STIM1: variants seen among roughly 807,000 people sequenced by gnomAD.
STIM1 encodes the protein stromal interaction molecule 1.
STIM1 carries 25 observed loss-of-function variants against 74.7 expected under a neutral mutation model. That is an observed-to-expected ratio of 0.33 (90% CI 0.24 to 0.47). The LOEUF is 0.47. Ranked by LOEUF, STIM1 falls within the 20% of genes least tolerant of loss-of-function variation. STIM1 has a pLI of 1.00. For synonymous variants in STIM1, 328 were observed against 348.8 expected (o/e 0.94, Z 0.66); for missense variants, 728 against 920.8 (o/e 0.79, Z 2.71).
intron 1 of STIM1, among the ~76,000 whole-genome samples, chr11:3,949,180 A>G (rs1387115974): frequency 6.6e-6 from 1 of 152,236 alleles, no homozygotes; most frequent in Non-Finnish European, 1.5e-5. Context: ...GGGGGTCAGT[A>G]TAGAGAAGGC....
chr11:4,010,172 A>ATTT (rs34152151), intron 2 of STIM1, among the ~76,000 whole-genome samples: 7 of 142,184 alleles, frequency 4.9e-5, no homozygotes, highest in Admixed American at 7.0e-5. Flanking sequence ...AAATTTTCTG[A>ATTT]TTTTTTTTTT....
chr11:3,885,720 C>G (rs2091680244), intron 1 of STIM1, among the ~76,000 whole-genome samples: 1 of 152,154 alleles, frequency 6.6e-6, no homozygotes, highest in Non-Finnish European at 1.5e-5. Flanking sequence ...TCACTGTAGC[C>G]TTGACCTCCT....
intron 5 of STIM1, among the ~76,000 whole-genome samples, chr11:4,065,506 C>T (rs1414678576): frequency 6.6e-6 from 1 of 151,292 alleles, no homozygotes; most frequent in Non-Finnish European, 1.5e-5. Flanking sequence ...TGTCTCTCTG[C>T]CTTTTATCCT....
rs78981968 is a variant in STIM1 at position 3,876,332 on chromosome 11, A to G, written c.139+19923A>G. On this transcript the variant is annotated intron_variant, in intron 1 of 12. Coordinates refer to ENST00000526596, the MANE Select transcript of STIM1 (RefSeq NM_001382567.1). Reference sequence around the variant, plus strand: ...AGGTAGGAAGAAGGATGCAAAATTAATGGATAAACAGTTGAATGCTGTTTG... The same window carrying G: ...AGGTAGGAAGAAGGATGCAAAATTAGTGGATAAACAGTTGAATGCTGTTTG... 7.6e-3 allele frequency among the ~76,000 whole-genome samples: 1,164 copies of G among 152,354 alleles called. 17 individuals carry two copies. The highest frequency in any genetic ancestry group is 0.026 in the African/African-American group (1,069 of 41,574).
In STIM1 at chr11:3,907,635, G is replaced by A. The variant is rs1479599388; in HGVS notation, c.139+51226G>A. ...GAAGCCGGAGTGATCCTTTCAAAACGTAAATCCAAATTATATAACTCTTCT... is the reference window on the plus strand; with the variant it reads ...GAAGCCGGAGTGATCCTTTCAAAACATAAATCCAAATTATATAACTCTTCT... On this transcript the variant is annotated intron_variant, in intron 1 of 12. Transcript: ENST00000526596. 2.6e-5 allele frequency among the ~76,000 whole-genome samples: 4 copies of A among 152,186 alleles called. No individual in the cohort carries two copies. In the South Asian group the frequency reaches 8.3e-4, roughly 32 times the overall value.
At chr11:3,936,086 G>A (rs548365715) in intron 1 of STIM1, among the ~76,000 whole-genome samples, 60 of 152,262 alleles carry the variant, frequency 3.9e-4, no homozygotes, top group African/African-American at 1.4e-3. Context: ...ATATGCCTGC[G>A]TAACCTCTCC....
chr11:3,939,705 G>A (rs543398364), intron 1 of STIM1, among the ~76,000 whole-genome samples: 1 of 152,178 alleles, frequency 6.6e-6, no homozygotes, highest in South Asian at 2.1e-4. Flanking sequence ...TATCCTCAGT[G>A]CTCTTAATAA....
chr11:3,932,464 C>T (rs950930953), intron 1 of STIM1, among the ~76,000 whole-genome samples: 1 of 151,984 alleles, frequency 6.6e-6, no homozygotes, highest in African/African-American at 2.4e-5. Context: ...AGATCGAGAC[C>T]ATCAGGGTTA....
chr11:3,855,272 T>G (rs1191146456), upstream of STIM1: 1 of 152,304 alleles, frequency 6.6e-6, no homozygotes, highest in Non-Finnish European at 1.5e-5. Flanking sequence ...TAGACAGCTC[T>G]AGAACTGAGG....
intron 4 of STIM1, 195 bp from the exon 5 acceptor site, chr11:4,059,086 C>T: frequency 1.3e-6 from 1 of 791,560 alleles, no homozygotes; most frequent in Non-Finnish European, 1.9e-6. Context: ...GAGGGCTGAA[C>T]AAATTCTTGG....
At chr11:3,990,773 C>A (rs1483653715) in intron 2 of STIM1, among the ~76,000 whole-genome samples, 1 of 152,056 alleles carries the variant, frequency 6.6e-6, no homozygotes, top group African/African-American at 2.4e-5. Flanking sequence ...TTTCTCAGAT[C>A]CTTTGCTCAT....
chr11:3,993,141 C>G (rs1000977040), intron 2 of STIM1, among the ~76,000 whole-genome samples: 2 of 151,952 alleles, frequency 1.3e-5, no homozygotes, highest in African/African-American at 2.4e-5. Context: ...GTGAAAGCCA[C>G]AGTCTCCACA....
At chr11:4,021,540 C>T (rs1246827071) in intron 2 of STIM1, among the ~76,000 whole-genome samples, 3 of 152,152 alleles carry the variant, frequency 2.0e-5, no homozygotes, top group African/African-American at 4.8e-5. Context: ...TATTCTTTTC[C>T]ATGTCTGTTT....
rs1021953898 is a variant in STIM1, at chr11:4,073,561, C to T, written c.792-941C>T. On this transcript the variant is annotated intron_variant, in intron 6 of 12. Transcript: ENST00000526596. ...ATCGCCACGTATTTAGGGCTTAGCACAGGGCTTGGCACTTAGTAGGCACTT... is the reference window on the plus strand; with the variant it reads ...ATCGCCACGTATTTAGGGCTTAGCATAGGGCTTGGCACTTAGTAGGCACTT... Among the ~76,000 whole-genome samples, 23 of 152,270 alleles carry T rather than the reference C, an allele frequency of 1.5e-4. No homozygotes were observed. In the South Asian group the frequency reaches 4.1e-3, roughly 27 times the overall value.
intron 1 of STIM1, among the ~76,000 whole-genome samples, chr11:3,917,437 T>TTTG (rs1013148290): frequency 5.5e-4 from 80 of 144,604 alleles, no homozygotes; most frequent in African/African-American, 2.1e-3. Context: ...GGGTTTCTGT[T>TTTG]TTTTTTTTTT....
intron 2 of STIM1, among the ~76,000 whole-genome samples, chr11:4,014,875 C>T (rs1297490385): frequency 6.6e-6 from 1 of 152,122 alleles, no homozygotes; most frequent in African/African-American, 2.4e-5. Context: ...TTTGCAACCC[C>T]TGCTTTTTAT....
At chr11:3,858,243 T>G (rs1053001441) in intron 1 of STIM1, among the ~76,000 whole-genome samples, 40 of 131,694 alleles carry the variant, frequency 3.0e-4, no homozygotes, top group East Asian at 2.0e-3. Context: ...GTTTTTTTTT[T>G]TTTGTTTTTT....
At chr11:4,050,426 C>G (rs2133055757) in intron 3 of STIM1, among the ~76,000 whole-genome samples, 2 of 152,268 alleles carry the variant, frequency 1.3e-5, no homozygotes. Flanking sequence ...CTACATTAGT[C>G]TCTCTGGGGA....
chr11:3,910,588 A>G (rs1439104406), intron 1 of STIM1, among the ~76,000 whole-genome samples: 2 of 152,054 alleles, frequency 1.3e-5, no homozygotes, highest in African/African-American at 4.8e-5. Flanking sequence ...AGAACTAAAA[A>G]CCTCTGTGGA....
Sources: gnomAD v4.1 joint callset for allele counts (sites outside exome capture counted in the v4.1 genomes callset) on GRCh38, gnomAD v4.1.1 for gene constraint, MANE v1.5 for transcripts, NCBI Gene and HGNC (gene_info 2026-07-23, HGNC 2026-07-21) for gene names.